SPSB1: variants seen among roughly 807,000 people sequenced by gnomAD.
SPSB1 encodes SPRY domain-containing SOCS box protein 1.
Under a neutral mutation model 21.2 loss-of-function variants are expected in SPSB1, and 8 were observed. The ratio of observed to expected loss-of-function variants is 0.38; its 90% CI spans 0.22 to 0.68. The LOEUF is 0.68. Among genes scored for constraint, SPSB1 ranks in the 30% least tolerant of loss-of-function variants. SPSB1 has a pLI of 0.53. For missense variants in SPSB1, 242 were observed against 377.8 expected (o/e 0.64, Z 2.98); for synonymous variants, 169 against 161.7 (o/e 1.05, Z -0.34).
chr1:9,326,398 CAGTG>C (rs1478501733), intron 1 of SPSB1, among the ~76,000 whole-genome samples: 3 of 152,210 alleles, frequency 2.0e-5, no homozygotes, highest in Admixed American at 6.5e-5. Flanking sequence ...ACAGAAAAGT[CAGTG>C]GGTGGTGTCG....
intron 1 of SPSB1, among the ~76,000 whole-genome samples, chr1:9,339,803 C>T (rs1208073668): frequency 1.3e-5 from 2 of 152,166 alleles, no homozygotes; most frequent in African/African-American, 4.8e-5. Flanking sequence ...TGCCCTGCCC[C>T]CCATTCTTGT....
chr1:9,298,327 A>G (rs1295443611), intron 1 of SPSB1, among the ~76,000 whole-genome samples: 2 of 152,242 alleles, frequency 1.3e-5, no homozygotes, highest in African/African-American at 2.4e-5. Context: ...ACAGCCCTCA[A>G]TCAACTTCCC....
rs376081968 is a variant in SPSB1 at position 9,330,310 on chromosome 1, A to G, written c.-149-25433A>G. 3.9e-5 allele frequency among the ~76,000 whole-genome samples: 6 copies of G among 152,276 alleles called. No homozygotes were observed. In the East Asian group the frequency reaches 7.7e-4, roughly 20 times the overall value. ...CGGTGAAACCCCGTCTCTACTAAAA[A>G]TACAAAATACAAAATTAGTCGGGCG... is the stretch of plus-strand genomic sequence containing the variant. On this transcript the variant is annotated intron_variant, in intron 1 of 2. Transcript: ENST00000328089.
chr1:9,343,387 C>T (rs1640119869), intron 1 of SPSB1, among the ~76,000 whole-genome samples: 1 of 152,212 alleles, frequency 6.6e-6, no homozygotes, highest in Non-Finnish European at 1.5e-5. Flanking sequence ...GCTTCCTTCA[C>T]ATTAATATAA....
rs115964851 is a variant in SPSB1, at chr1:9,348,413, C to T, written c.-149-7330C>T. Among the ~76,000 whole-genome samples, 3,143 of 152,170 alleles carry T rather than the reference C, an allele frequency of 0.021. 47 individuals carry two copies. Among genetic ancestry groups the T allele is most frequent in the South Asian group, 0.037 (179 of 4,802 alleles). ...GCCTTGCCTCTCCTGCCCCTCCAGG[C>T]TCCCTCAGCCTTCAGAGAGAATGGC... On this transcript the variant is annotated intron_variant, in intron 1 of 2. Transcript: ENST00000328089. The surrounding 1 kb of genome is among the most constrained non-coding windows in gnomAD (Gnocchi z 4.8).
At chr1:9,308,526 T>C (rs1488142869) in intron 1 of SPSB1, among the ~76,000 whole-genome samples, 2 of 152,164 alleles carry the variant, frequency 1.3e-5, no homozygotes, top group African/African-American at 4.8e-5. Context: ...GCCTTTTCCC[T>C]CCCATGCTGG....
chr1:9,322,900 CT>C, intron 1 of SPSB1, among the ~76,000 whole-genome samples: 1 of 152,022 alleles, frequency 6.6e-6, no homozygotes, highest in African/African-American at 2.4e-5. Flanking sequence ...TTCTCAGCCC[CT>C]TTTTTTGTTG....
chr1:9,367,530 G>C lies in SPSB1; in HGVS notation c.777G>C (p.Thr259=). ...LGRERLGEIH[T]LPLPASLKAY... is the part of the protein sequence containing the mutation. ...GGGAGCGCCTGGGGGAGATCCACACGCTGCCGCTGCCGGCTTCCCTCAAGG... is the reference window on the plus strand; with the variant it reads ...GGGAGCGCCTGGGGGAGATCCACACCCTGCCGCTGCCGGCTTCCCTCAAGG... Residue 259 remains threonine, a synonymous_variant, in exon 3 of 3, where the codon ACG becomes ACC. Transcript: ENST00000328089. This position sits in a 1 kb window ranked among gnomAD's most constrained non-coding sequence, Gnocchi z 5.9. The C allele has an allele frequency of 6.2e-7, 1 of 1,612,728 alleles. No homozygotes were observed. The highest frequency in any genetic ancestry group is 8.5e-7 in the Non-Finnish European group (1 of 1,179,450).
chr1:9,355,593 C>T (rs551231518), intron 1 of SPSB1, 150 bp from the exon 2 acceptor site: 14 of 867,956 alleles, frequency 1.6e-5, no homozygotes, highest in African/African-American at 1.1e-4. Flanking sequence ...TTTCATTCTG[C>T]GCCAAGGCTC....
rs190900148 is a variant in SPSB1, at chr1:9,300,880, T to C, written c.-150+7809T>C. On this transcript the variant is annotated intron_variant, in intron 1 of 2. Transcript: ENST00000328089. ...CTCCTGGGGAGTTCCCTCTGATCGA[T>C]TGACAGTGGAAGAGAAGACTTAGTC... is the stretch of plus-strand genomic sequence containing the variant. Among the ~76,000 whole-genome samples, 551 of 152,282 alleles carry C rather than the reference T, an allele frequency of 3.6e-3. 3 individuals carry two copies. The highest frequency in any genetic ancestry group is 0.012 in the African/African-American group (496 of 41,544).
At chr1:9,347,538 G>A (rs9730431) in intron 1 of SPSB1, among the ~76,000 whole-genome samples, 34,385 of 152,206 alleles carry the variant, frequency 0.23, 4,602 homozygotes, top group African/African-American at 0.37. Context: ...ATAAATAGGC[G>A]CAGAGAGAAT....
In SPSB1 at chr1:9,355,854, C is replaced by T; in HGVS notation, c.-38C>T. On this transcript the variant is annotated 5_prime_UTR_variant, in exon 2 of 3. Transcript: ENST00000328089. ...CGAGACCACGAGATTGATGAGTTTGCCTTGGGAGTCGGTAAGAAGGTGAAG... is the reference window on the plus strand; with the variant it reads ...CGAGACCACGAGATTGATGAGTTTGTCTTGGGAGTCGGTAAGAAGGTGAAG... 2 of 1,519,672 alleles carry T rather than the reference C, an allele frequency of 1.3e-6. No individual in the cohort carries two copies. The highest frequency in any genetic ancestry group is 2.8e-5 in the African/African-American group (2 of 72,074). The allele number at this position is 1,519,672 out of a possible 1,614,324, so 94.1% of individuals were successfully genotyped here. A position where few individuals can be genotyped will look rare whatever the true frequency, so the allele number is the denominator to read the frequency against.
intron 1 of SPSB1, among the ~76,000 whole-genome samples, chr1:9,329,893 A>G (rs1557454905): frequency 6.6e-6 from 1 of 152,096 alleles, no homozygotes; most frequent in Non-Finnish European, 1.5e-5. Context: ...CTTGGATACT[A>G]TGAGGCCTTT....
intron 1 of SPSB1, among the ~76,000 whole-genome samples, chr1:9,315,753 A>C (rs1403401018): frequency 6.6e-6 from 1 of 152,224 alleles, no homozygotes; most frequent in Non-Finnish European, 1.5e-5. Context: ...AGCCCCACCT[A>C]CGGAGGGACC....
rs115531303 is a variant in SPSB1, at chr1:9,293,454, A to G, written c.-150+383A>G. On this transcript the variant is annotated intron_variant, in intron 1 of 2. Transcript: ENST00000328089. This position sits in a 1 kb window ranked among gnomAD's most constrained non-coding sequence, Gnocchi z 5.1. ...GGGGCCGCCGACCCGTCCCCCCTTT[A>G]GCCCGGGGAAAGCGGGACCCCGCTC... Among the ~76,000 whole-genome samples the G allele has an allele frequency of 0.21, 31,249 of 151,116 alleles. 3,690 individuals are homozygous for G. Among genetic ancestry groups the G allele is most frequent in the South Asian group, 0.29 (1,405 of 4,814 alleles).
intron 1 of SPSB1, among the ~76,000 whole-genome samples, chr1:9,342,884 C>T (rs12023904): frequency 2.0e-5 from 3 of 152,246 alleles, no homozygotes; most frequent in Admixed American, 2.0e-4. Context: ...CTCCCCACAT[C>T]TGAGCATCAA....
chr1:9,312,256 G>A (rs1569578614), intron 1 of SPSB1, among the ~76,000 whole-genome samples: 1 of 152,090 alleles, frequency 6.6e-6, no homozygotes, highest in South Asian at 2.1e-4. Flanking sequence ...ACCCGTCCTG[G>A]GCTCAAGCAG....
intron 1 of SPSB1, among the ~76,000 whole-genome samples, chr1:9,325,752 GC>G (rs1386646239): frequency 6.6e-6 from 1 of 152,212 alleles, no homozygotes; most frequent in Non-Finnish European, 1.5e-5. Flanking sequence ...TGGCACGGGG[GC>G]AAAGGACGTT....
intron 1 of SPSB1, among the ~76,000 whole-genome samples, chr1:9,313,769 T>C: frequency 6.6e-6 from 1 of 152,222 alleles, no homozygotes; most frequent in East Asian, 1.9e-4. Context: ...CCGCTGTGCT[T>C]CAGTGGCTGG....
Sources: gnomAD v4.1 joint callset for allele counts (sites outside exome capture counted in the v4.1 genomes callset) on GRCh38, gnomAD v4.1.1 for gene constraint, Gnocchi (gnomAD v3.1) non-coding constraint, MANE v1.5 for transcripts, NCBI Gene and HGNC (gene_info 2026-07-23, HGNC 2026-07-21) for gene names.